Variants in KAZN observed in about 807,000 individuals in gnomAD.
KAZN encodes the protein kazrin.
A neutral mutation model predicts 87.4 loss-of-function variants in KAZN; 40 were observed. The observed-to-expected ratio is 0.46, with a 90% confidence interval of 0.36 to 0.60. The LOEUF is 0.60. Ranked by LOEUF, KAZN falls within the 20% of genes least tolerant of loss-of-function variation. KAZN has a pLI of 0.00. For missense variants in KAZN, 898 were observed against 1,073.9 expected, an observed-to-expected ratio of 0.84 and a Z score of 2.29; for synonymous variants, 466 against 458.3, an observed-to-expected ratio of 1.02 and a Z score of -0.22.
At chr1:14,788,670 C>A (rs1281126061) in intron 1 of KAZN, among the ~76,000 whole-genome samples, 1 of 152,116 alleles carries the variant, frequency 6.6e-6, no homozygotes, top group Admixed American at 6.5e-5. Flanking sequence ...GACCCAGAGG[C>A]CTGACCGTGG....
At chr1:14,913,802 G>A (rs1572812543) in intron 1 of KAZN, among the ~76,000 whole-genome samples, 1 of 152,256 alleles carries the variant, frequency 6.6e-6, no homozygotes, top group East Asian at 1.9e-4. Flanking sequence ...TGGTGGGCGG[G>A]TAGACAGGCG....
chr1:13,910,939 G>A (rs1639631719), intron 1 of KAZN, among the ~76,000 whole-genome samples: 1 of 152,058 alleles, frequency 6.6e-6, no homozygotes. Flanking sequence ...CTGTTTCTGG[G>A]AAGTCCCAGA....
rs79237129 is a variant in KAZN at position 14,660,080 on chromosome 1, G to A, written c.226+60857G>A. ...CCAGGGCAGCCGCTCTGCAACTACC[G>A]GGAGATAATCTTGATAATGCGATTA... is the stretch of plus-strand genomic sequence containing the variant. On this transcript the variant is annotated intron_variant, in intron 1 of 14. Transcript: ENST00000376030. 1.5e-3 allele frequency among the ~76,000 whole-genome samples: 234 copies of A among 152,212 alleles called. 4 individuals are homozygous for A. In the East Asian group the frequency reaches 0.034, roughly 22 times the overall value.
intron 1 of KAZN, among the ~76,000 whole-genome samples, chr1:14,116,372 C>T (rs1015883445): frequency 5.3e-5 from 8 of 152,168 alleles, no homozygotes; most frequent in African/African-American, 1.2e-4. Flanking sequence ...CTGCTCCAGC[C>T]GTGGCTGACA....
Position 13,965,550 on chromosome 1 carries a change from C to A in KAZN, c.91+71794C>A, listed in dbSNP as rs369255672. On this transcript the variant is annotated intron_variant, in intron 1 of 16. Transcript: ENST00000636203. Reference sequence around the variant, plus strand: ...TGTTATTTGGTAAGTGTGGCACTTACCACCTTGCAACTTGAGTATTTATTC... The same window carrying A: ...TGTTATTTGGTAAGTGTGGCACTTAACACCTTGCAACTTGAGTATTTATTC... Among the ~76,000 whole-genome samples, 122 of 152,248 alleles carry A rather than the reference C, an allele frequency of 8.0e-4. 2 individuals are homozygous for A. In the South Asian group the frequency reaches 0.024, roughly 31 times the overall value.
chr1:14,683,186 G>C (rs899315785), intron 1 of KAZN, among the ~76,000 whole-genome samples: 3 of 152,168 alleles, frequency 2.0e-5, no homozygotes, highest in African/African-American at 7.2e-5. Flanking sequence ...AGTCTCAGTG[G>C]TAGGAACGAC....
At chr1:13,954,823 T>C (rs1323485246) in intron 1 of KAZN, among the ~76,000 whole-genome samples, 4 of 152,240 alleles carry the variant, frequency 2.6e-5, no homozygotes, top group Admixed American at 6.5e-5. Flanking sequence ...TGGACTTTTT[T>C]CTTTTTTTAC....
At chr1:14,194,933 T>C (rs1234481081) in intron 2 of KAZN, among the ~76,000 whole-genome samples, 1 of 152,120 alleles carries the variant, frequency 6.6e-6, no homozygotes, top group East Asian at 1.9e-4. Flanking sequence ...GACAACCCTG[T>C]TTATCTTGTG....
chr1:14,662,278 C>G (rs1639228556), intron 1 of KAZN, among the ~76,000 whole-genome samples: 1 of 152,158 alleles, frequency 6.6e-6, no homozygotes, highest in South Asian at 2.1e-4. Flanking sequence ...GGGCACAGGT[C>G]CAAAGGAGGC....
chr1:14,610,294 G>A (rs954927597), intron 1 of KAZN, among the ~76,000 whole-genome samples: 40 of 152,186 alleles, frequency 2.6e-4, no homozygotes, highest in African/African-American at 8.4e-4. Flanking sequence ...TGCAAGCTCC[G>A]CCTCCCGGGT....
intron 1 of KAZN, among the ~76,000 whole-genome samples, chr1:14,929,001 C>G (rs1302817764): frequency 9.9e-5 from 15 of 152,246 alleles, no homozygotes; most frequent in Admixed American, 9.8e-4. Context: ...TTGAATTTGT[C>G]AGCTCTGCTC....
intron 2 of KAZN, among the ~76,000 whole-genome samples, chr1:14,580,515 T>G (rs955066075): frequency 9.6e-5 from 11 of 114,466 alleles, no homozygotes; most frequent in Admixed American, 2.8e-4. Context: ...AATAAATAAA[T>G]AAAGTATATT....
At chr1:14,666,261 G>T (rs1231625441) in intron 1 of KAZN, among the ~76,000 whole-genome samples, 1 of 151,984 alleles carries the variant, frequency 6.6e-6, no homozygotes, top group Admixed American at 6.6e-5. Flanking sequence ...TGGTCTTGTT[G>T]GGTGAGTCGG....
intron 1 of KAZN, among the ~76,000 whole-genome samples, chr1:13,984,320 A>G (rs1041308834): frequency 7.2e-5 from 11 of 152,182 alleles, no homozygotes; most frequent in African/African-American, 2.7e-4. Context: ...TATTTGGATT[A>G]TTAATCAGAA....
At chr1:14,635,843 CT>C (rs1679938133) in intron 1 of KAZN, among the ~76,000 whole-genome samples, 2 of 152,242 alleles carry the variant, frequency 1.3e-5, no homozygotes, top group Non-Finnish European at 2.9e-5. Flanking sequence ...TGCCAGCCCT[CT>C]ACCCAGCATG....
At chr1:14,030,622 C>A (rs1641282105) in intron 1 of KAZN, among the ~76,000 whole-genome samples, 1 of 139,250 alleles carries the variant, frequency 7.2e-6, no homozygotes, top group Non-Finnish European at 1.5e-5. Context: ...AAAAAATTGG[C>A]AATGTACACA....
chr1:15,047,305 TC>T (rs1160523213), intron 4 of KAZN, among the ~76,000 whole-genome samples: 3 of 151,976 alleles, frequency 2.0e-5, no homozygotes, highest in Non-Finnish European at 2.9e-5. Flanking sequence ...CAGGCCCAGC[TC>T]CCCCACTGCA....
chr1:14,811,562 T>A (rs1646410740), intron 1 of KAZN, among the ~76,000 whole-genome samples: 1 of 152,270 alleles, frequency 6.6e-6, no homozygotes, highest in Non-Finnish European at 1.5e-5. Flanking sequence ...TGCTTTACAG[T>A]TCGCAAAGAT....
intron 12 of KAZN, 130 bp from the exon 13 acceptor site, chr1:15,103,893 C>T (rs556566606): frequency 2.8e-5 from 26 of 921,022 alleles, no homozygotes; most frequent in Middle Eastern, 3.4e-4. Context: ...TCCTCTTCAC[C>T]GTCAAATTAA....
Sources: gnomAD v4.1 joint callset for allele counts (sites outside exome capture counted in the v4.1 genomes callset) on GRCh38, gnomAD v4.1.1 for gene constraint, MANE v1.5 for transcripts, NCBI Gene and HGNC (gene_info 2026-07-23, HGNC 2026-07-21) for gene names.